SRGAP3: variants seen among roughly 807,000 people sequenced by gnomAD.
The protein encoded by SRGAP3 is SLIT-ROBO Rho GTPase activating protein 3.
In SRGAP3, 39 loss-of-function variants were observed where a neutral mutation model predicts 121.1. The observed-to-expected ratio is 0.32, with a 90% confidence interval of 0.25 to 0.42. SRGAP3 has a LOEUF of 0.42. SRGAP3 is among the 10% of genes least tolerant of loss of function. SRGAP3 has a pLI of 1.00. For missense variants in SRGAP3, 1,213 were observed against 1,470.6 expected, an observed-to-expected ratio of 0.82 and a Z score of 2.86; for synonymous variants, 601 against 570.0, an observed-to-expected ratio of 1.05 and a Z score of -0.77.
intron 3 of SRGAP3, among the ~76,000 whole-genome samples, chr3:9,302,539 G>A (rs902748184): frequency 1.3e-5 from 2 of 152,198 alleles, no homozygotes; most frequent in African/African-American, 4.8e-5. Context: ...ATTCGTCACT[G>A]GATAAACTGG....
chr3:9,305,473 A>C (rs1377870038), intron 3 of SRGAP3, among the ~76,000 whole-genome samples: 1 of 150,496 alleles, frequency 6.6e-6, no homozygotes, highest in Non-Finnish European at 1.5e-5. Context: ...GGTTTGGTAC[A>C]TAGGTATACA....
intron 18 of SRGAP3, 78 bp downstream of exon 18, chr3:9,010,229 GC>G: frequency 6.6e-7 from 1 of 1,525,368 alleles, no homozygotes; most frequent in East Asian, 2.3e-5. Context: ...ATGTGGGCCA[GC>G]CCTGTGGTTG....
chr3:9,256,782 G>A, intron 3 of SRGAP3: 1 of 394,684 alleles, frequency 2.5e-6, no homozygotes. Flanking sequence ...CTGCCCCTGT[G>A]GAGGAGACCT....
intron 1 of SRGAP3, among the ~76,000 whole-genome samples, chr3:9,166,639 A>C (rs1021101246): frequency 3.3e-5 from 5 of 152,196 alleles, no homozygotes; most frequent in African/African-American, 9.7e-5. Context: ...CTTAAGCCAG[A>C]GAGAAATTGA....
intron 1 of SRGAP3, among the ~76,000 whole-genome samples, chr3:9,345,896 C>T (rs926528677): frequency 1.3e-5 from 2 of 151,990 alleles, no homozygotes; most frequent in African/African-American, 4.8e-5. Flanking sequence ...TGCCTCCAAG[C>T]ACAGTATGGC....
intron 1 of SRGAP3, among the ~76,000 whole-genome samples, chr3:9,172,087 T>C (rs1795219): frequency 1.9e-5 from 2 of 108,098 alleles, no homozygotes; most frequent in South Asian, 2.9e-4. Flanking sequence ...AATGACTTTT[T>C]CTTTTCTTTT....
intron 10 of SRGAP3, among the ~76,000 whole-genome samples, chr3:9,039,928 CTCTT>C (rs1944940306): frequency 6.6e-6 from 1 of 152,186 alleles, no homozygotes; most frequent in Non-Finnish European, 1.5e-5. Flanking sequence ...TCCCATAGCA[CTCTT>C]TCTTTCTATG....
intron 1 of SRGAP3, among the ~76,000 whole-genome samples, chr3:9,203,418 G>C (rs1952136711): frequency 6.6e-6 from 1 of 152,188 alleles, no homozygotes; most frequent in African/African-American, 2.4e-5. Context: ...AGAGTTCACA[G>C]ACATTTACAA....
At position 8,984,058 on chromosome 3, in the gene SRGAP3, C is replaced by A. The variant is rs75265557; in HGVS notation, c.*1461G>T. The stretch of plus-strand genomic sequence containing the variant: ...ATCAGAAGAGGAGGTAAAATGGAAT[C>A]GAAGGAGAGCGACCCGGAAGGGCTT... On this transcript the variant is annotated 3_prime_UTR_variant, in exon 22 of 22. Transcript: ENST00000383836. 16,416 of 231,610 alleles carry A rather than the reference C, an allele frequency of 0.071. 758 individuals carry two copies. The highest frequency in any genetic ancestry group is 0.1 in the Non-Finnish European group (11,723 of 117,048). The allele number at this position is 231,610 out of a possible 1,614,324, so 14.3% of individuals were successfully genotyped here.
chr3:9,078,006 A>T (rs1270060140), intron 4 of SRGAP3, among the ~76,000 whole-genome samples: 4 of 152,234 alleles, frequency 2.6e-5, no homozygotes, highest in African/African-American at 2.4e-5. Context: ...GGGAGACGGG[A>T]TATAGACAAT....
chr3:9,172,135 C>T (rs1426905894), intron 1 of SRGAP3, among the ~76,000 whole-genome samples: 1 of 148,470 alleles, frequency 6.7e-6, no homozygotes, highest in Non-Finnish European at 1.5e-5. Flanking sequence ...GCTCTGTTGC[C>T]TAGGCTGGAA....
chr3:9,310,712 G>A (rs903611356), intron 3 of SRGAP3, among the ~76,000 whole-genome samples: 3 of 152,178 alleles, frequency 2.0e-5, no homozygotes, highest in Admixed American at 2.0e-4. Flanking sequence ...AAGAAAGAAG[G>A]ATCAAACTAG....
At chr3:9,111,635 G>A (rs1369747041) in intron 2 of SRGAP3, among the ~76,000 whole-genome samples, 2 of 152,156 alleles carry the variant, frequency 1.3e-5, no homozygotes, top group Non-Finnish European at 2.9e-5. Context: ...AGAGCCAGAC[G>A]CCAGGCTGCA....
intron 1 of SRGAP3, among the ~76,000 whole-genome samples, chr3:9,135,504 G>T (rs1244130559): frequency 9.9e-5 from 15 of 152,172 alleles, no homozygotes; most frequent in Admixed American, 9.8e-4. Context: ...AGATGATGTG[G>T]CCCAGTGGAT....
intron 1 of SRGAP3, among the ~76,000 whole-genome samples, chr3:9,351,026 T>C (rs2125294603): frequency 6.6e-6 from 1 of 152,262 alleles, no homozygotes; most frequent in African/African-American, 2.4e-5. Flanking sequence ...CCCTCATGCC[T>C]CTTTTTTCAT....
rs148677493 is a variant in SRGAP3, at chr3:9,262,990, A to G, written n.442+63020T>C. 3.3e-3 allele frequency among the ~76,000 whole-genome samples: 501 copies of G among 152,318 alleles called. 18 individuals are homozygous for G. In the South Asian group the frequency reaches 0.057, roughly 17 times the overall value. ...TTGGAAGTAAAACACTCCTCAGCAA[A>G]TGCAAAAGAATGGAAATCATAACAG... On this transcript the variant is annotated intron_variant and non_coding_transcript_variant, in intron 3 of 3. Transcript: ENST00000490889.
chr3:9,104,826 G>C lies in SRGAP3; in HGVS notation c.277C>G (p.Leu93Val). The change falls in exon 3 of 22, where the codon CTC becomes GTC. Residue 93 changes from leucine to valine, a missense_variant. Leu to Val is a conservative substitution (Grantham distance 32, BLOSUM62 1). Coordinates refer to ENST00000383836, the MANE Select transcript of SRGAP3 (RefSeq NM_014850.4). ...AGATACCAACAGTTCACAGGCGAGA[G>C]GAGGTACTGGTCCTTCCTGTGGAAA... is the stretch of plus-strand genomic sequence containing the variant. ...EHQFKKDQYLLSPVNCWYLVL... is the reference protein window; with the variant it reads ...EHQFKKDQYLVSPVNCWYLVL... 1.2e-6 allele frequency: 2 copies of C among 1,614,246 alleles called. No homozygotes were observed. Among genetic ancestry groups the C allele is most frequent in the Non-Finnish European group, 1.7e-6 (2 of 1,180,040 alleles).
chr3:9,124,841 G>T lies in SRGAP3; in HGVS notation c.144C>A (p.Asp48Glu), dbSNP rs766548120. The T allele has an allele frequency of 4.7e-5, 76 of 1,614,096 alleles. No individual in the cohort carries two copies. The highest frequency in any genetic ancestry group is 3.7e-5 in the Non-Finnish European group (44 of 1,180,056). ...CTTTCCGGCGGAAAAACTCCTGGAG[G>T]TCTTGAAGCAGCTGCAGTCGCGACT... Reference protein sequence around the residue: ...QSESRLQLLQDLQEFFRRKAE... With the variant: ...QSESRLQLLQELQEFFRRKAE... The change falls in exon 2 of 22, where the codon GAC becomes GAA. Residue 48 changes from aspartate to glutamate, a missense_variant. By Grantham distance (45) the Asp-to-Glu change is conservative. This residue lies in a region of SRGAP3 where 793 missense variants were observed against 1,032.9 expected (regional missense o/e 0.77). Transcript: ENST00000383836.
At chr3:9,014,065 T>G in intron 15 of SRGAP3, 1 of 599,984 alleles carries the variant, frequency 1.7e-6, no homozygotes, top group South Asian at 1.8e-5. Flanking sequence ...CCAATCAGAG[T>G]CGACTCTCCG....
Sources: allele counts gnomAD v4.1 joint callset (sites outside exome capture counted in the v4.1 genomes callset), GRCh38; gene constraint gnomAD v4.1.1; regional missense constraint gnomAD v4.1.1; transcripts MANE v1.5; gene names NCBI Gene and HGNC (gene_info 2026-07-23, HGNC 2026-07-21).